The following POPDC3 variants were observed in gnomAD, a reference collection of about 807,000 sequenced individuals.
POPDC3 encodes the protein popeye domain cAMP effector 3.
In POPDC3, 20 loss-of-function variants were observed where a neutral mutation model predicts 28.2. That is an observed-to-expected ratio of 0.71 (90% CI 0.50 to 1.03). The LOEUF is 1.03. POPDC3 is among the 50% of genes least tolerant of loss of function. The pLI is 0.00. For synonymous variants in POPDC3, 118 were observed against 124.1 expected, an observed-to-expected ratio of 0.95 and a Z score of 0.33; for missense variants, 316 against 345.9, an observed-to-expected ratio of 0.91 and a Z score of 0.69.
intron 2 of POPDC3, chr6:105,160,034 G>C (rs1280273397): frequency 2.3e-5 from 8 of 344,794 alleles, no homozygotes; most frequent in African/African-American, 1.5e-4. Context: ...CAGGATTCTG[G>C]AATATTGAGT....
chr6:105,173,018 C>CA (rs1237164900), intron 1 of POPDC3, among the ~76,000 whole-genome samples: 1 of 152,032 alleles, frequency 6.6e-6, no homozygotes, highest in African/African-American at 2.4e-5. Context: ...CACATGTACC[C>CA]TAAAACTTAA....
At chr6:105,162,719 G>A (rs1375301786) in intron 1 of POPDC3, among the ~76,000 whole-genome samples, 1 of 152,216 alleles carries the variant, frequency 6.6e-6, no homozygotes, top group Non-Finnish European at 1.5e-5. Flanking sequence ...GGCGAAAAGA[G>A]TAAGACTCTG....
chr6:105,175,299 G>A (rs192733832), intron 1 of POPDC3, among the ~76,000 whole-genome samples: 143 of 151,906 alleles, frequency 9.4e-4, no homozygotes, highest in African/African-American at 3.3e-3. Flanking sequence ...AGCACTTTGG[G>A]AGGCTGAGGT....
chr6:105,178,838 A>T (rs949671951), intron 1 of POPDC3: 55 of 985,302 alleles, frequency 5.6e-5, no homozygotes, highest in South Asian at 1.4e-4. Flanking sequence ...AGGAAAAAAA[A>T]TAGCCACTAA....
intron 1 of POPDC3, among the ~76,000 whole-genome samples, chr6:105,170,163 C>T (rs1250819511): frequency 4.6e-5 from 7 of 152,110 alleles, no homozygotes; most frequent in Admixed American, 3.3e-4. Context: ...AATTGACAGG[C>T]TCTGCTCAAG....
In POPDC3 at chr6:105,159,742, G is replaced by A; in HGVS notation, c.563C>T (p.Ser188Leu). ...AATGCCTTCCTCTGTGGGTCTCAGT[G>A]AATCCCACTCAGGAGAATCCAGGAA... ...LQFLDSPEWD[S>L]LRPTEEGIFQ... Residue 188 changes from serine (S) to leucine (L), a missense_variant, in exon 3 of 4, where the codon TCA becomes TTA. Transcript: ENST00000254765. 1 of 1,613,336 alleles carries A rather than the reference G, an allele frequency of 6.2e-7. No individual in the cohort carries two copies. The highest frequency in any genetic ancestry group is 8.5e-7 in the Non-Finnish European group (1 of 1,179,406).
chr6:105,174,402 C>T (rs147623260), intron 1 of POPDC3, among the ~76,000 whole-genome samples: 26 of 152,198 alleles, frequency 1.7e-4, no homozygotes, highest in Non-Finnish European at 3.1e-4. Flanking sequence ...GTGAATGGAG[C>T]GAAGGCTATA....
chr6:105,162,071 G>C lies in POPDC3; in HGVS notation c.-162C>G. ...GCTGATTAAAGGCTTCGTGTGTACG[G>C]ATCTTGAAAAACTAAGAATCCCATG... On this transcript the variant is annotated 5_prime_UTR_variant, in exon 2 of 4. The change creates a new upstream start codon in the 5' untranslated region. Coordinates refer to ENST00000254765, the MANE Select transcript of POPDC3 (RefSeq NM_022361.5). The C allele has an allele frequency of 1.5e-6, 2 of 1,376,872 alleles. No homozygotes were observed. The highest frequency in any genetic ancestry group is 2.1e-5 in the South Asian group (1 of 46,584). The allele number at this position is 1,376,872 out of a possible 1,614,324, so 85.3% of individuals were successfully genotyped here.
At chr6:105,175,243 AT>A (rs1203910949) in intron 1 of POPDC3, among the ~76,000 whole-genome samples, 1 of 152,022 alleles carries the variant, frequency 6.6e-6, no homozygotes, top group East Asian at 1.9e-4. Flanking sequence ...ATATAAACAT[AT>A]TTTTAAAATT....
chr6:105,176,402 C>A (rs1639319648), intron 1 of POPDC3, among the ~76,000 whole-genome samples: 1 of 152,166 alleles, frequency 6.6e-6, no homozygotes, highest in African/African-American at 2.4e-5. Flanking sequence ...CTGGCTATTA[C>A]AAAAAATACA....
intron 1 of POPDC3, among the ~76,000 whole-genome samples, chr6:105,170,271 T>G (rs1774549590): frequency 6.6e-6 from 1 of 152,212 alleles, no homozygotes; most frequent in Admixed American, 6.5e-5. Flanking sequence ...GTAAGTTTAC[T>G]GAAGAGAGAT....
rs1774755672 is a variant in POPDC3 at position 105,179,896 on chromosome 6, C to T, written c.-315G>A. On this transcript the variant is annotated 5_prime_UTR_variant, in exon 1 of 4. Transcript: ENST00000254765. ...CCCGCAGAAGTTTCCCGGCGGAGCG[C>T]GCTTGACCCGGGTGGCCCGCGCGGA... 1.3e-5 allele frequency: 2 copies of T among 151,804 alleles called. No individual in the cohort carries two copies. Among genetic ancestry groups the T allele is most frequent in the Admixed American group, 6.6e-5 (1 of 15,252 alleles). The allele number at this position is 151,804 out of a possible 1,614,324, so 9.4% of individuals were successfully genotyped here.
chr6:105,164,259 A>C lies in POPDC3; in HGVS notation c.-251-2099T>G, dbSNP rs555562717. On this transcript the variant is annotated intron_variant, in intron 1 of 3. Coordinates refer to ENST00000254765, the MANE Select transcript of POPDC3 (RefSeq NM_022361.5). ...GATGCTAATAGAGAAAGGCCATGTA[A>C]AACGTTCGTGGCAATTCAGAAGGGA... is the stretch of plus-strand genomic sequence containing the variant. Among the ~76,000 whole-genome samples, 14 of 152,330 alleles carry C rather than the reference A, an allele frequency of 9.2e-5. No homozygotes were observed. The South Asian group carries it at 2.9e-3, about 32-fold the overall frequency.
chr6:105,174,082 C>T (rs1225291784), intron 1 of POPDC3, among the ~76,000 whole-genome samples: 1 of 152,176 alleles, frequency 6.6e-6, no homozygotes, highest in East Asian at 1.9e-4. Context: ...GCTCTTGTTG[C>T]CCAGGCTGGA....
At chr6:105,175,312 G>A (rs1341818829) in intron 1 of POPDC3, among the ~76,000 whole-genome samples, 1 of 150,178 alleles carries the variant, frequency 6.7e-6, no homozygotes, top group African/African-American at 2.4e-5. Context: ...GCTGAGGTGG[G>A]AGGATGCCTT....
intron 1 of POPDC3, chr6:105,178,563 GACACACACACAC>G (rs56060844): frequency 0.54 from 81,825 of 152,814 alleles, 23,729 homozygotes; most frequent in East Asian, 0.76. Context: ...AACTCCTGAA[GACACACACACAC>G]ACACACACAC....
chr6:105,174,127 C>T (rs761050109), intron 1 of POPDC3, among the ~76,000 whole-genome samples: 3 of 152,148 alleles, frequency 2.0e-5, no homozygotes, highest in South Asian at 2.1e-4. Flanking sequence ...CTGCAACCTC[C>T]GCCTCCCGGG....
At chr6:105,173,282 T>TA (rs1190026489) in intron 1 of POPDC3, among the ~76,000 whole-genome samples, 54 of 152,342 alleles carry the variant, frequency 3.5e-4, no homozygotes, top group African/African-American at 1.2e-3. Context: ...CAGAATGTTT[T>TA]AAAGTGCTTC....
intron 1 of POPDC3, among the ~76,000 whole-genome samples, chr6:105,178,074 G>A (rs1389094964): frequency 1.3e-5 from 2 of 152,098 alleles, no homozygotes; most frequent in African/African-American, 4.8e-5. Context: ...CTATTAATTG[G>A]AGGGACATTC....
Sources: gnomAD v4.1 joint callset for allele counts (sites outside exome capture counted in the v4.1 genomes callset) on GRCh38, gnomAD v4.1.1 for gene constraint, MANE v1.5 for transcripts, NCBI Gene and HGNC (gene_info 2026-07-23, HGNC 2026-07-21) for gene names.